TAMM41: variants seen among roughly 807,000 people sequenced by gnomAD.
TAMM41 encodes TAM41 mitochondrial translocator assembly and maintenance homolog.
Under a neutral mutation model 44.1 loss-of-function variants are expected in TAMM41, and 36 were observed. The ratio of observed to expected loss-of-function variants is 0.82; its 90% CI spans 0.63 to 1.08. The LOEUF is 1.08. Ranked by LOEUF, TAMM41 falls within the 50% of genes least tolerant of loss-of-function variation. The pLI, the probability that TAMM41 is intolerant of heterozygous loss-of-function variation, is 0.00. For synonymous variants in TAMM41, 164 were observed against 153.1 expected (o/e 1.07, Z -0.53); for missense variants, 417 against 404.3 (o/e 1.03, Z -0.27).
chr3:11,764,078 A>T, the TAMM41 span, among the ~76,000 whole-genome samples: 1 of 152,058 alleles, frequency 6.6e-6, no homozygotes, highest in Non-Finnish European at 1.5e-5. Context: ...ATCTCAGCTC[A>T]CTGAAGGCTC....
the TAMM41 span, among the ~76,000 whole-genome samples, chr3:11,727,987 A>C: frequency 6.6e-6 from 1 of 151,842 alleles, no homozygotes; most frequent in Non-Finnish European, 1.5e-5. Context: ...AGATTTCTCC[A>C]TGTTGGTCAG....
At chr3:11,744,835 T>C in the TAMM41 span, among the ~76,000 whole-genome samples, 1 of 151,668 alleles carries the variant, frequency 6.6e-6, no homozygotes, top group Admixed American at 6.6e-5. Flanking sequence ...AAGACCAGAC[T>C]GAGCAACACT....
intron 4 of TAMM41, among the ~76,000 whole-genome samples, chr3:11,822,418 C>T (rs1464547536): frequency 6.6e-6 from 1 of 152,148 alleles, no homozygotes; most frequent in Non-Finnish European, 1.5e-5. Context: ...AATATTCCAG[C>T]CTCCCTACAA....
chr3:11,776,314 G>A, the TAMM41 span, among the ~76,000 whole-genome samples: 124 of 135,668 alleles, frequency 9.1e-4, no homozygotes, highest in Non-Finnish European at 1.8e-3. Flanking sequence ...CACCGCGCCC[G>A]GCCATTTAAA....
chr3:11,793,874 C>T (rs954595792), intron 7 of TAMM41, among the ~76,000 whole-genome samples: 4 of 152,112 alleles, frequency 2.6e-5, no homozygotes, highest in Non-Finnish European at 2.9e-5. Flanking sequence ...TACCTGGGCA[C>T]TAGGTCTATG....
At chr3:11,804,561 A>G (rs1017613391) in intron 7 of TAMM41, among the ~76,000 whole-genome samples, 2 of 152,224 alleles carry the variant, frequency 1.3e-5, no homozygotes, top group Non-Finnish European at 2.9e-5. Context: ...AATAATTCCA[A>G]TAATTCCTTA....
the TAMM41 span, among the ~76,000 whole-genome samples, chr3:11,736,221 G>A: frequency 7.9e-5 from 12 of 152,194 alleles, no homozygotes; most frequent in African/African-American, 2.4e-4. Context: ...ATCTCTCCTC[G>A]TGCAGCAGTT....
intron 2 of TAMM41, among the ~76,000 whole-genome samples, chr3:11,842,921 G>A (rs1480649351): frequency 1.3e-5 from 2 of 152,146 alleles, no homozygotes; most frequent in Non-Finnish European, 1.5e-5. Flanking sequence ...GATCCTTGCA[G>A]GCTGGGGTTC....
At chr3:11,750,346 C>T in the TAMM41 span, among the ~76,000 whole-genome samples, 1 of 152,094 alleles carries the variant, frequency 6.6e-6, no homozygotes, top group Non-Finnish European at 1.5e-5. Flanking sequence ...ACTCTGTTGC[C>T]CAGGCTGAAG....
chr3:11,743,820 G>A, the TAMM41 span, among the ~76,000 whole-genome samples: 3 of 152,016 alleles, frequency 2.0e-5, no homozygotes, highest in Admixed American at 2.0e-4. Context: ...GGTGCTTCCC[G>A]TGGCACAGTG....
At chr3:11,732,176 A>G in the TAMM41 span, among the ~76,000 whole-genome samples, 1 of 151,878 alleles carries the variant, frequency 6.6e-6, no homozygotes. Context: ...CCATTAGGGC[A>G]ATTCTTCTTC....
At chr3:11,798,982 A>G (rs558918434) in intron 7 of TAMM41, among the ~76,000 whole-genome samples, 1 of 152,244 alleles carries the variant, frequency 6.6e-6, no homozygotes, top group South Asian at 2.1e-4. Context: ...TGGGAGGCTG[A>G]GGTGGGAGGA....
the TAMM41 span, among the ~76,000 whole-genome samples, chr3:11,773,955 G>A: frequency 6.6e-6 from 1 of 152,100 alleles, no homozygotes; most frequent in African/African-American, 2.4e-5. Context: ...AGGGCATGGT[G>A]GTGCATGCCT....
chr3:11,725,431 C>G, the TAMM41 span, among the ~76,000 whole-genome samples: 33 of 79,474 alleles, frequency 4.2e-4, no homozygotes, highest in Non-Finnish European at 5.5e-5. Flanking sequence ...TTCTTTCCTC[C>G]TCCTCCTCCT....
At chr3:11,805,006 T>C (rs1420290398) in intron 7 of TAMM41, among the ~76,000 whole-genome samples, 12 of 137,490 alleles carry the variant, frequency 8.7e-5, no homozygotes, top group African/African-American at 3.3e-4. Flanking sequence ...CTTTTTTTTT[T>C]TTTTTTTTTT....
intron 5 of TAMM41, among the ~76,000 whole-genome samples, chr3:11,812,212 A>G (rs1575639205): frequency 6.6e-6 from 1 of 152,088 alleles, no homozygotes; most frequent in Non-Finnish European, 1.5e-5. Flanking sequence ...AAAGGCATGA[A>G]GCTGCCATTC....
At chr3:11,759,940 C>T in the TAMM41 span, among the ~76,000 whole-genome samples, 1 of 151,412 alleles carries the variant, frequency 6.6e-6, no homozygotes. Context: ...CGCCATTGCA[C>T]TCCAGCCTGG....
At chr3:11,735,881 G>A in the TAMM41 span, among the ~76,000 whole-genome samples, 2 of 152,130 alleles carry the variant, frequency 1.3e-5, no homozygotes, top group African/African-American at 2.4e-5. Flanking sequence ...GGAGTACCCA[G>A]CATGTTTCCA....
chr3:11,750,494 G>C, the TAMM41 span, among the ~76,000 whole-genome samples: 2 of 151,916 alleles, frequency 1.3e-5, no homozygotes, highest in African/African-American at 4.8e-5. Flanking sequence ...TTTTTTTGTG[G>C]AGATAGGGCC....
Sources: gnomAD v4.1 joint callset for allele counts (sites outside exome capture counted in the v4.1 genomes callset) on GRCh38, gnomAD v4.1.1 for gene constraint, MANE v1.5 for transcripts, NCBI Gene and HGNC (gene_info 2026-07-23, HGNC 2026-07-21) for gene names.